EHBP1: variants seen among roughly 807,000 people sequenced by gnomAD.
EHBP1 encodes the protein EH domain-binding protein 1.
Under a neutral mutation model 144.0 loss-of-function variants are expected in EHBP1, and 55 were observed. That is an observed-to-expected ratio of 0.38 (90% CI 0.31 to 0.48). EHBP1 has a LOEUF of 0.48. Ranked by LOEUF, EHBP1 falls within the 20% of genes least tolerant of loss-of-function variation. EHBP1 has a pLI of 0.98. For synonymous variants in EHBP1, 469 were observed against 472.7 expected, an observed-to-expected ratio of 0.99 and a Z score of 0.10; for missense variants, 1,200 against 1,364.2, an observed-to-expected ratio of 0.88 and a Z score of 1.90.
intron 19 of EHBP1, among the ~76,000 whole-genome samples, chr2:63,002,274 C>T (rs879782893): frequency 1.3e-5 from 2 of 152,120 alleles, no homozygotes; most frequent in Non-Finnish European, 2.9e-5. Context: ...GTTAATATTT[C>T]AGTGACTGAC....
intron 1 of EHBP1, among the ~76,000 whole-genome samples, chr2:62,694,139 A>G (rs2034000955): frequency 6.6e-6 from 1 of 152,200 alleles, no homozygotes; most frequent in South Asian, 2.1e-4. Context: ...AAGAACATTA[A>G]AGAAATTATT....
At chr2:62,895,066 G>A (rs957434539) in intron 10 of EHBP1, among the ~76,000 whole-genome samples, 2 of 152,138 alleles carry the variant, frequency 1.3e-5, no homozygotes, top group African/African-American at 4.8e-5. Flanking sequence ...GCTACATTTG[G>A]TATCATTCTA....
At chr2:62,752,289 G>A (rs558608312) in intron 3 of EHBP1, among the ~76,000 whole-genome samples, 9 of 152,172 alleles carry the variant, frequency 5.9e-5, no homozygotes, top group Non-Finnish European at 1.2e-4. Flanking sequence ...GTAGTTGAGC[G>A]GTTTTGAGTG....
At chr2:62,845,850 A>G (rs1256742550) in intron 7 of EHBP1, among the ~76,000 whole-genome samples, 1 of 152,204 alleles carries the variant, frequency 6.6e-6, no homozygotes. Flanking sequence ...GTCAGTTAAA[A>G]GGATGAGAAT....
At chr2:62,990,070 G>T (rs564176103) in intron 15 of EHBP1, among the ~76,000 whole-genome samples, 1 of 152,114 alleles carries the variant, frequency 6.6e-6, no homozygotes, top group East Asian at 1.9e-4. Context: ...AATTAGTTGT[G>T]TTTCTACTCA....
intron 5 of EHBP1, among the ~76,000 whole-genome samples, chr2:62,788,719 G>A (rs1293743765): frequency 6.6e-6 from 1 of 152,026 alleles, no homozygotes; most frequent in African/African-American, 2.4e-5. Flanking sequence ...TGTTTCTGAA[G>A]GTTTGCCAAT....
chr2:62,980,543 A>G (rs2058918456), intron 15 of EHBP1, among the ~76,000 whole-genome samples: 2 of 152,112 alleles, frequency 1.3e-5, no homozygotes, highest in Non-Finnish European at 2.9e-5. Context: ...GTTATTTCTT[A>G]TTGTTTCCTT....
intron 21 of EHBP1, chr2:63,043,915 T>C (rs2061792616): frequency 1.7e-5 from 2 of 116,934 alleles, no homozygotes; most frequent in African/African-American, 6.5e-5. Flanking sequence ...TCAGTGGCCA[T>C]GGTTCTTTTT....
chr2:62,926,995 A>G (rs1023595896), intron 10 of EHBP1, among the ~76,000 whole-genome samples: 51 of 152,332 alleles, frequency 3.3e-4, no homozygotes, highest in Admixed American at 2.6e-4. Context: ...ACGTCATGGA[A>G]TACTATTTAG....
chr2:62,994,713 G>A (rs1487522129), intron 18 of EHBP1, among the ~76,000 whole-genome samples: 2 of 151,800 alleles, frequency 1.3e-5, no homozygotes, highest in Non-Finnish European at 2.9e-5. Flanking sequence ...TAAAATAGTT[G>A]GATTTTAAAA....
chr2:62,900,682 G>A (rs941830213), intron 10 of EHBP1, among the ~76,000 whole-genome samples: 3 of 144,416 alleles, frequency 2.1e-5, no homozygotes, highest in South Asian at 2.1e-4. Context: ...GTGTGTGTAT[G>A]TGTATATATA....
chr2:62,871,644 A>T (rs1296264696), intron 9 of EHBP1, among the ~76,000 whole-genome samples: 1 of 152,200 alleles, frequency 6.6e-6, no homozygotes, highest in African/African-American at 2.4e-5. Context: ...ACCTTTCATC[A>T]AGCAAAAAGC....
intron 2 of EHBP1, among the ~76,000 whole-genome samples, chr2:62,708,585 A>G (rs1161573635): frequency 6.6e-6 from 1 of 152,222 alleles, no homozygotes; most frequent in African/African-American, 2.4e-5. Context: ...TGAAGATTAA[A>G]TGAGTTAATA....
chr2:62,897,918 C>T (rs561964033), intron 10 of EHBP1, among the ~76,000 whole-genome samples: 22 of 152,216 alleles, frequency 1.4e-4, no homozygotes, highest in African/African-American at 5.3e-4. Flanking sequence ...ACAAGCTACA[C>T]GTGACTGTTG....
chr2:63,026,746 A>G (rs537825826), intron 19 of EHBP1, among the ~76,000 whole-genome samples: 2 of 152,302 alleles, frequency 1.3e-5, no homozygotes, highest in Admixed American at 6.5e-5. Flanking sequence ...TCTGTAAGAA[A>G]TCATATACCA....
At chr2:62,833,490 AC>A (rs1276184617) in intron 7 of EHBP1, among the ~76,000 whole-genome samples, 1 of 152,212 alleles carries the variant, frequency 6.6e-6, no homozygotes, top group Non-Finnish European at 1.5e-5. Flanking sequence ...TAAGCTTCAA[AC>A]GACAAGTTAA....
rs749204081 is a variant in EHBP1, at chr2:62,993,549, G to T, written c.2753G>T (p.Arg918Leu). The change falls in exon 17 of 23, where the codon CGG becomes CTG. Residue 918 changes from arginine to leucine, a missense_variant. By Grantham distance (102) the Arg-to-Leu change is moderately radical. Coordinates refer to ENST00000431489, the MANE Select transcript of EHBP1 (RefSeq NM_001142616.3). ...QDMKSGTEDL[R>L]TERLQKTTER... The stretch of plus-strand genomic sequence containing the variant: ...GTTTAGAGTGGCACAGAAGATCTCC[G>T]GACTGAACGATTACAAAAAACAACA... 3 of 1,593,220 alleles carry T rather than the reference G, an allele frequency of 1.9e-6. No individual in the cohort carries two copies. The highest frequency in any genetic ancestry group is 1.7e-6 in the Non-Finnish European group (2 of 1,166,802).
intron 10 of EHBP1, among the ~76,000 whole-genome samples, chr2:62,919,269 G>A (rs952775112): frequency 6.6e-5 from 10 of 152,194 alleles, no homozygotes; most frequent in South Asian, 2.1e-4. Context: ...AGTGACTTCC[G>A]GGGGACTTAA....
chr2:62,952,628 A>G (rs1157487399), intron 13 of EHBP1, among the ~76,000 whole-genome samples: 5 of 152,206 alleles, frequency 3.3e-5, no homozygotes, highest in African/African-American at 1.2e-4. Context: ...CTCATAAGGT[A>G]AGTAGTCAAA....
Sources: allele counts gnomAD v4.1 joint callset (sites outside exome capture counted in the v4.1 genomes callset), GRCh38; gene constraint gnomAD v4.1.1; transcripts MANE v1.5; gene names NCBI Gene and HGNC (gene_info 2026-07-23, HGNC 2026-07-21).